Variants in NCALD observed in about 807,000 individuals in gnomAD.
NCALD encodes neurocalcin-delta.
A neutral mutation model predicts 18.6 loss-of-function variants in NCALD; 10 were observed. The observed-to-expected ratio is 0.54, with a 90% CI of 0.33 to 0.91. The LOEUF (loss-of-function observed/expected upper bound fraction) is 0.91. NCALD is among the 40% of genes least tolerant of loss of function. The probability of loss-of-function intolerance (pLI) is 0.03; values close to 1 mark genes in which losing one functional copy is unlikely to be tolerated. For missense variants in NCALD, 184 were observed against 247.6 expected (o/e 0.74, Z 1.72); for synonymous variants, 88 against 87.4 (o/e 1.01, Z -0.04).
chr8:102,040,471 CAAA>C (rs60568830), intron 1 of NCALD, among the ~76,000 whole-genome samples: 6 of 135,684 alleles, frequency 4.4e-5, no homozygotes, highest in African/African-American at 6.0e-5. Flanking sequence ...GAGAATCCAT[CAAA>C]AAAAAAAAAG....
intron 2 of NCALD, among the ~76,000 whole-genome samples, chr8:101,920,625 G>A (rs1304482027): frequency 6.6e-6 from 1 of 152,162 alleles, no homozygotes; most frequent in Non-Finnish European, 1.5e-5. Flanking sequence ...ATTAATACAG[G>A]AGCAGAAAAC....
At chr8:101,952,074 A>C (rs1217734946) in intron 2 of NCALD, among the ~76,000 whole-genome samples, 1 of 152,206 alleles carries the variant, frequency 6.6e-6, no homozygotes, top group Non-Finnish European at 1.5e-5. Flanking sequence ...GTTAGACCCA[A>C]GCTCCTCTTG....
chr8:101,910,732 G>A (rs1817766685), intron 3 of NCALD, among the ~76,000 whole-genome samples: 2 of 152,136 alleles, frequency 1.3e-5, no homozygotes, highest in Non-Finnish European at 2.9e-5. Flanking sequence ...TAAAAGGTGA[G>A]TGTACCAGAT....
chr8:102,071,933 A>G lies in NCALD; in HGVS notation c.-209-51644T>C, dbSNP rs576567931. Among the ~76,000 whole-genome samples the G allele has an allele frequency of 4.2e-4, 64 of 152,278 alleles. No individual in the cohort carries two copies. The South Asian group carries it at 8.5e-3, about 20-fold the overall frequency. On this transcript the variant is annotated intron_variant, in intron 1 of 6. Coordinates refer to the NCALD transcript ENST00000311028. ...TGGATTCAACACAGTCCCAGTCAAA[A>G]CCCCAGCAGGTATTGTTTTGTAGAA...
chr8:101,759,111 C>T (rs1014025041), intron 1 of NCALD, among the ~76,000 whole-genome samples: 1 of 152,156 alleles, frequency 6.6e-6, no homozygotes, highest in African/African-American at 2.4e-5. Flanking sequence ...CAGCAGAAAC[C>T]GCCCACATTT....
chr8:101,730,252 C>T (rs890436053), intron 1 of NCALD, among the ~76,000 whole-genome samples: 8 of 151,920 alleles, frequency 5.3e-5, no homozygotes, highest in Non-Finnish European at 1.2e-4. Flanking sequence ...GAGGCCGAGG[C>T]GGGCAGATCA....
At chr8:101,940,041 A>T (rs1418834153) in intron 2 of NCALD, among the ~76,000 whole-genome samples, 1 of 152,178 alleles carries the variant, frequency 6.6e-6, no homozygotes, top group African/African-American at 2.4e-5. Context: ...GCCTGCCTTT[A>T]TTCCTATTTG....
chr8:101,868,967 G>A (rs118105926), intron 4 of NCALD, among the ~76,000 whole-genome samples: 2,670 of 152,338 alleles, frequency 0.018, 40 homozygotes, highest in Non-Finnish European at 0.028. Context: ...AAGACCCTCT[G>A]CTGGTAACAG....
Position 101,958,536 on chromosome 8 carries a change from A to C in NCALD, c.-156-42678T>G, listed in dbSNP as rs187314309. Among the ~76,000 whole-genome samples the C allele has an allele frequency of 2.3e-3, 349 of 152,264 alleles. 1 individual carries two copies. The highest frequency in any genetic ancestry group is 7.8e-3 in the African/African-American group (323 of 41,558). ...AGATGTTTTACCTGCTTACGAAATA[A>C]TAAGAACAATATCTAAGAGATGTTG... On this transcript the variant is annotated intron_variant, in intron 2 of 6. Transcript: ENST00000311028.
intron 1 of NCALD, among the ~76,000 whole-genome samples, chr8:102,083,035 C>T (rs1454295414): frequency 6.6e-6 from 1 of 152,248 alleles, no homozygotes; most frequent in African/African-American, 2.4e-5. Flanking sequence ...ATTTGTTTCA[C>T]TCCTTGTATT....
intron 1 of NCALD, among the ~76,000 whole-genome samples, chr8:101,732,821 C>T (rs1197785487): frequency 3.3e-5 from 5 of 152,060 alleles, no homozygotes; most frequent in Admixed American, 1.3e-4. Context: ...CCAGGTTGGT[C>T]TCAAACTCCT....
At chr8:101,797,255 T>A (rs1812671557) in intron 4 of NCALD, among the ~76,000 whole-genome samples, 1 of 152,134 alleles carries the variant, frequency 6.6e-6, no homozygotes, top group African/African-American at 2.4e-5. Flanking sequence ...AACAACAAAT[T>A]TAAAAAGTTC....
At chr8:101,865,385 C>A (rs760511251) in intron 4 of NCALD, among the ~76,000 whole-genome samples, 1 of 152,206 alleles carries the variant, frequency 6.6e-6, no homozygotes, top group Non-Finnish European at 1.5e-5. Context: ...TCCTCCCTGC[C>A]TCACTGTCCT....
At chr8:101,946,508 C>T (rs986440134) in intron 2 of NCALD, among the ~76,000 whole-genome samples, 1 of 152,080 alleles carries the variant, frequency 6.6e-6, no homozygotes, top group East Asian at 1.9e-4. Context: ...TAAACTCATA[C>T]TAACTTTTTA....
At chr8:101,994,936 C>T (rs905275175) in intron 2 of NCALD, among the ~76,000 whole-genome samples, 5 of 152,166 alleles carry the variant, frequency 3.3e-5, no homozygotes, top group Admixed American at 1.3e-4. Context: ...AGAAAAATAA[C>T]AGCTACTTTG....
At chr8:101,696,104 A>G (rs1043606458) in intron 2 of NCALD, among the ~76,000 whole-genome samples, 4 of 152,290 alleles carry the variant, frequency 2.6e-5, no homozygotes, top group African/African-American at 9.6e-5. Flanking sequence ...CCACCATTGC[A>G]GACGATCTCA....
intron 2 of NCALD, among the ~76,000 whole-genome samples, chr8:101,941,868 A>G (rs1331692951): frequency 1.3e-5 from 2 of 152,238 alleles, no homozygotes; most frequent in East Asian, 3.8e-4. Flanking sequence ...AAAAAGGTAT[A>G]TGTCTGATTG....
At position 102,089,616 on chromosome 8, in the gene NCALD, TAAA is replaced by T. The variant is rs1243492056; in HGVS notation, c.-210+34618_-210+34620del. On this transcript the variant is annotated intron_variant, in intron 1 of 6. Transcript: ENST00000311028. The stretch of plus-strand genomic sequence containing the variant: ...CATGACTTTAGTAATCTTTGGAAAA[TAAA>T]AACAGTTTTACATGGAAGGTGTGTA... Among the ~76,000 whole-genome samples the T allele has an allele frequency of 3.3e-5, 5 of 151,934 alleles. No homozygotes were observed. The East Asian group carries it at 9.7e-4, about 29-fold the overall frequency.
chr8:101,820,469 G>C (rs1813675438), intron 4 of NCALD, among the ~76,000 whole-genome samples: 1 of 152,096 alleles, frequency 6.6e-6, no homozygotes. Flanking sequence ...CATTTTGAGG[G>C]GAAAGACTCC....
Sources: allele counts gnomAD v4.1 joint callset (sites outside exome capture counted in the v4.1 genomes callset), GRCh38; gene constraint gnomAD v4.1.1; transcripts MANE v1.5; gene names NCBI Gene and HGNC (gene_info 2026-07-23, HGNC 2026-07-21).